Variants in ZC3H6 observed in about 807,000 individuals in gnomAD.
ZC3H6 encodes zinc finger CCCH-type containing 6, also known as zinc finger CCCH domain-containing protein 6.
ZC3H6 carries 40 observed loss-of-function variants against 107.7 expected under a neutral mutation model. The observed-to-expected ratio is 0.37, with a 90% confidence interval of 0.29 to 0.48. The LOEUF is 0.48. ZC3H6 is among the 20% of genes least tolerant of loss of function. The pLI, the probability that ZC3H6 is intolerant of heterozygous loss-of-function variation, is 0.98. For synonymous variants in ZC3H6, 493 were observed against 487.9 expected (o/e 1.01, Z -0.14); for missense variants, 1,267 against 1,410.4 (o/e 0.90, Z 1.63).
chr2:112,278,206 C>A (rs766044132), intron 1 of ZC3H6, among the ~76,000 whole-genome samples: 1 of 152,198 alleles, frequency 6.6e-6, no homozygotes, highest in Non-Finnish European at 1.5e-5. Context: ...AATACTGTAT[C>A]TTTCCATATA....
intron 9 of ZC3H6, among the ~76,000 whole-genome samples, chr2:112,323,441 C>G (rs1676842565): frequency 6.6e-6 from 1 of 152,100 alleles, no homozygotes; most frequent in Non-Finnish European, 1.5e-5. Flanking sequence ...CAATGAGGAA[C>G]AAGAAATCTA....
At chr2:112,278,366 G>A (rs1165098219) in intron 1 of ZC3H6, among the ~76,000 whole-genome samples, 1 of 152,180 alleles carries the variant, frequency 6.6e-6, no homozygotes, top group Non-Finnish European at 1.5e-5. Flanking sequence ...CGCCCAGGCT[G>A]GAGTGCAGTG....
rs1310999105 is a variant in ZC3H6 at position 112,338,976 on chromosome 2, C to T, written c.*6488C>T. 6.7e-6 allele frequency: 1 copy of T among 148,252 alleles called. No homozygotes were observed. The highest frequency in any genetic ancestry group is 2.5e-5 in the African/African-American group (1 of 40,686). The allele number at this position is 148,252 out of a possible 1,614,324, so 9.2% of individuals were successfully genotyped here. On this transcript the variant is annotated 3_prime_UTR_variant, in exon 12 of 12. Coordinates refer to ENST00000409871, the MANE Select transcript of ZC3H6 (RefSeq NM_198581.3). The stretch of plus-strand genomic sequence containing the variant: ...CAGGCTGGAGTACAGCTCACAGCAA[C>T]CTCTGCCTCCCAGGTTCAAGCAATT...
chr2:112,280,214 A>C (rs1237648969), intron 1 of ZC3H6, among the ~76,000 whole-genome samples: 1 of 152,312 alleles, frequency 6.6e-6, no homozygotes, highest in Non-Finnish European at 1.5e-5. Context: ...TGGTTTGTAA[A>C]TTAGTATGTT....
chr2:112,277,782 T>G (rs992151455), intron 1 of ZC3H6, among the ~76,000 whole-genome samples: 4 of 40,698 alleles, frequency 9.8e-5, no homozygotes, highest in South Asian at 7.9e-4. Context: ...AGGAGATGGT[T>G]TTTTTTTTTC....
rs1676860796 is a variant in ZC3H6, at chr2:112,324,305, C to A, written c.1494C>A (p.Ser498=). Residue 498 remains serine (S), a synonymous_variant, in exon 10 of 12, where the codon TCC becomes TCA. Coordinates refer to ENST00000409871, the MANE Select transcript of ZC3H6 (RefSeq NM_198581.3). The stretch of plus-strand genomic sequence containing the variant: ...GTAGTCCTGTGATGCACCCAGGCTC[C>A]CCTGGACATCACCCATGTGCAGGAC... ...GHSSPVMHPG[S]PGHHPCAGPP... The A allele has an allele frequency of 6.2e-7, 1 of 1,613,930 alleles. No homozygotes were observed. Among genetic ancestry groups the A allele is most frequent in the Non-Finnish European group, 8.5e-7 (1 of 1,179,868 alleles).
chr2:112,284,969 C>T (rs1363523597), intron 1 of ZC3H6, among the ~76,000 whole-genome samples: 2 of 151,994 alleles, frequency 1.3e-5, no homozygotes, highest in South Asian at 4.1e-4. Context: ...TAAATATAGT[C>T]TTTAGAAATG....
At chr2:112,280,457 A>G (rs981930512) in intron 1 of ZC3H6, among the ~76,000 whole-genome samples, 11 of 152,054 alleles carry the variant, frequency 7.2e-5, no homozygotes, top group South Asian at 6.2e-4. Flanking sequence ...CATTCATTAC[A>G]TTTTCATTCC....
chr2:112,308,443 T>TA (rs201189371), intron 3 of ZC3H6, among the ~76,000 whole-genome samples: 1 of 149,986 alleles, frequency 6.7e-6, no homozygotes, highest in Non-Finnish European at 1.5e-5. Context: ...TTTATTTATT[T>TA]TGAGACAGGT....
Position 112,310,107 on chromosome 2 carries a change from T to C in ZC3H6, c.559T>C (p.Ser187Pro). 1.2e-6 allele frequency: 2 copies of C among 1,613,086 alleles called. No homozygotes were observed. The highest frequency in any genetic ancestry group is 1.7e-6 in the Non-Finnish European group (2 of 1,179,508). The change falls in exon 4 of 12, where the codon TCA becomes CCA. Residue 187 changes from serine to proline, a missense_variant. Physicochemically the swap from Ser to Pro is moderately conservative, Grantham distance 74. Around this residue, in one of 3 missense-constraint regions of ZC3H6, gnomAD observed 337 missense variants for 361.2 expected, o/e 0.93. Transcript: ENST00000409871. The part of the protein sequence containing the change: ...AKETSNIALG[S>P]SFSKESGKKQ... ...AGAAACCTCAAATATTGCTTTAGGG[T>C]CATCATTTTCTAAAGAATCAGGAAA...
intron 2 of ZC3H6, among the ~76,000 whole-genome samples, chr2:112,301,118 A>C (rs1189832428): frequency 6.6e-6 from 1 of 152,228 alleles, no homozygotes; most frequent in South Asian, 2.1e-4. Context: ...TTGCCAACAG[A>C]TATTCACCTC....
intron 7 of ZC3H6, among the ~76,000 whole-genome samples, chr2:112,318,233 A>G (rs1188717073): frequency 6.6e-6 from 1 of 152,252 alleles, no homozygotes; most frequent in African/African-American, 2.4e-5. Flanking sequence ...AGAGGAATAC[A>G]TGATGAATTG....
At chr2:112,281,632 G>C (rs981232134) in intron 1 of ZC3H6, among the ~76,000 whole-genome samples, 1 of 152,222 alleles carries the variant, frequency 6.6e-6, no homozygotes, top group East Asian at 1.9e-4. Flanking sequence ...CTAGAAATCA[G>C]ATGAGGACTT....
intron 1 of ZC3H6, among the ~76,000 whole-genome samples, chr2:112,281,111 T>C (rs1353909883): frequency 2.0e-5 from 3 of 152,058 alleles, no homozygotes; most frequent in Admixed American, 2.0e-4. Context: ...AAAATAAACA[T>C]GAAAAACAGA....
intron 1 of ZC3H6, among the ~76,000 whole-genome samples, chr2:112,292,420 C>G (rs1264619684): frequency 6.6e-6 from 1 of 152,210 alleles, no homozygotes; most frequent in Non-Finnish European, 1.5e-5. Flanking sequence ...AACAGCTATG[C>G]AGTGGCATAT....
At chr2:112,285,287 C>A (rs2104693929) in intron 1 of ZC3H6, among the ~76,000 whole-genome samples, 1 of 151,746 alleles carries the variant, frequency 6.6e-6, no homozygotes, top group East Asian at 1.9e-4. Context: ...CAAAGTGACA[C>A]AAAAAGATTT....
chr2:112,305,017 T>A (rs1471453206), intron 3 of ZC3H6, among the ~76,000 whole-genome samples: 1 of 152,214 alleles, frequency 6.6e-6, no homozygotes, highest in Non-Finnish European at 1.5e-5. Context: ...TGGGTAAATA[T>A]CAGAATGTTT....
chr2:112,276,680 A>C (rs1573941629), intron 1 of ZC3H6, among the ~76,000 whole-genome samples: 1 of 152,230 alleles, frequency 6.6e-6, no homozygotes, highest in African/African-American at 2.4e-5. Context: ...GATGGTGTGT[A>C]TCACTTGAAT....
At chr2:112,326,945 A>G (rs1285603493) in intron 11 of ZC3H6, among the ~76,000 whole-genome samples, 1 of 152,138 alleles carries the variant, frequency 6.6e-6, no homozygotes, top group Admixed American at 6.6e-5. Flanking sequence ...GGTTGCTTCC[A>G]AATCTTGGTT....
Sources: allele counts gnomAD v4.1 joint callset (sites outside exome capture counted in the v4.1 genomes callset), GRCh38; gene constraint gnomAD v4.1.1; regional missense constraint gnomAD v4.1.1; transcripts MANE v1.5; gene names NCBI Gene and HGNC (gene_info 2026-07-23, HGNC 2026-07-21).